The following AFAP1 variants were observed in gnomAD, a reference collection of about 807,000 sequenced individuals.
AFAP1 encodes the protein actin filament associated protein 1, also known as actin filament-associated protein 1.
A neutral mutation model predicts 93.9 loss-of-function variants in AFAP1; 75 were observed. That is an observed-to-expected ratio of 0.80 (90% CI 0.66 to 0.97). AFAP1 has a LOEUF of 0.97. AFAP1 is among the 50% of genes least tolerant of loss of function. The pLI is 0.00. For missense variants in AFAP1, 1,201 were observed against 1,050.8 expected, an observed-to-expected ratio of 1.14 and a Z score of -1.98; for synonymous variants, 517 against 430.7, an observed-to-expected ratio of 1.20 and a Z score of -2.48.
intron 1 of AFAP1, among the ~76,000 whole-genome samples, chr4:7,883,185 C>CAAAAAAAAA (rs34238719): frequency 4.0e-5 from 2 of 49,986 alleles, no homozygotes; most frequent in Admixed American, 2.4e-4. Flanking sequence ...AACCCTATCT[C>CAAAAAAAAA]AAAAAAAAAA....
intron 1 of AFAP1, among the ~76,000 whole-genome samples, chr4:7,889,703 T>A (rs368949444): frequency 1.3e-3 from 104 of 77,408 alleles, no homozygotes; most frequent in East Asian, 0.013. Context: ...TTTTTTTTTT[T>A]TAAAAAAAGA....
intron 7 of AFAP1, among the ~76,000 whole-genome samples, chr4:7,817,501 G>C (rs975154501): frequency 2.6e-5 from 4 of 152,204 alleles, no homozygotes; most frequent in Admixed American, 2.6e-4. Flanking sequence ...TGAGACAGGA[G>C]AATGACTTGA....
At chr4:7,843,457 A>G in intron 4 of AFAP1, 107 bp from the exon 5 acceptor site, 2 of 1,034,832 alleles carry the variant, frequency 1.9e-6, no homozygotes, top group South Asian at 3.5e-5. Flanking sequence ...TAACTGAATG[A>G]GAAAGGGACC....
intron 4 of AFAP1, among the ~76,000 whole-genome samples, chr4:7,855,145 G>C (rs1196947640): frequency 6.6e-6 from 1 of 152,164 alleles, no homozygotes; most frequent in African/African-American, 2.4e-5. Flanking sequence ...TAAGGAAGTG[G>C]GGGCTGTAGC....
At chr4:7,933,353 T>A (rs1352668126) in intron 1 of AFAP1, among the ~76,000 whole-genome samples, 2 of 152,134 alleles carry the variant, frequency 1.3e-5, no homozygotes, top group African/African-American at 4.8e-5. Context: ...GTTGGGCCGA[T>A]CACGAGGTCA....
intron 1 of AFAP1, among the ~76,000 whole-genome samples, chr4:7,903,203 T>C (rs771171649): frequency 4.6e-5 from 7 of 152,154 alleles, no homozygotes; most frequent in South Asian, 2.1e-4. Context: ...TCAACAAATA[T>C]TGACTAACTA....
chr4:7,935,316 T>G (rs914377638), intron 1 of AFAP1, among the ~76,000 whole-genome samples: 10 of 152,348 alleles, frequency 6.6e-5, no homozygotes, highest in Non-Finnish European at 1.0e-4. Context: ...AGAAAAGTAC[T>G]TGGACTTAAC....
At chr4:7,905,725 G>T (rs920539190) in intron 1 of AFAP1, among the ~76,000 whole-genome samples, 1 of 152,176 alleles carries the variant, frequency 6.6e-6, no homozygotes, top group Non-Finnish European at 1.5e-5. Context: ...ACAGATGACC[G>T]CAGCACAGTG....
Position 7,763,685 on chromosome 4 carries a change from A to C in AFAP1, c.*80T>G. 1.3e-6 allele frequency: 2 copies of C among 1,533,124 alleles called. No individual in the cohort carries two copies. The highest frequency in any genetic ancestry group is 2.5e-5 in the East Asian group (1 of 40,748). The allele number at this position is 1,533,124 out of a possible 1,614,324, so 95.0% of individuals were successfully genotyped here. A position where few individuals can be genotyped will look rare whatever the true frequency, so the allele number is the denominator to read the frequency against. ...TCGTGCAGCTGAGGCCACTCTGGGC[A>C]GAGCTTCCTGCCGTCACACAGATGA... On this transcript the variant is annotated 3_prime_UTR_variant, in exon 18 of 18. Transcript: ENST00000420658.
intron 17 of AFAP1, among the ~76,000 whole-genome samples, chr4:7,764,399 AAAAGG>A (rs143475461): frequency 0.094 from 14,253 of 152,042 alleles, 1,029 homozygotes; most frequent in East Asian, 0.41. Context: ...ATATAAAAAA[AAAAGG>A]AAGTAGAATA....
At chr4:7,792,833 C>A (rs1176415753) in intron 11 of AFAP1, among the ~76,000 whole-genome samples, 1 of 152,198 alleles carries the variant, frequency 6.6e-6, no homozygotes, top group African/African-American at 2.4e-5. Context: ...TTAAGTGAAA[C>A]CAGCATTTTC....
chr4:7,809,869 C>A, intron 8 of AFAP1, 106 bp from the exon 9 acceptor site: 2 of 1,366,596 alleles, frequency 1.5e-6, no homozygotes, highest in Non-Finnish European at 2.0e-6. Flanking sequence ...GCATTTTTTT[C>A]TTTTATTAAA....
At chr4:7,937,648 G>A (rs1721468652) in intron 1 of AFAP1, among the ~76,000 whole-genome samples, 1 of 152,050 alleles carries the variant, frequency 6.6e-6, no homozygotes, top group South Asian at 2.1e-4. Context: ...CACCATGCCC[G>A]GCTAATTTTT....
At chr4:7,807,579 C>A (rs564859686) in intron 9 of AFAP1, among the ~76,000 whole-genome samples, 18 of 152,352 alleles carry the variant, frequency 1.2e-4, no homozygotes, top group African/African-American at 4.3e-4. Context: ...GTTCAGGGAG[C>A]TTGGAACGCA....
At chr4:7,844,617 C>T (rs924379067) in intron 4 of AFAP1, among the ~76,000 whole-genome samples, 3 of 152,208 alleles carry the variant, frequency 2.0e-5, no homozygotes, top group African/African-American at 7.2e-5. Context: ...GTGATCTCCC[C>T]GGCACCTAAC....
intron 11 of AFAP1, 90 bp from the exon 12 acceptor site, chr4:7,786,401 A>C: frequency 9.1e-7 from 1 of 1,094,098 alleles, no homozygotes; most frequent in Non-Finnish European, 1.4e-6. Flanking sequence ...CTTTATGCCC[A>C]AGGCTATGTC....
intron 6 of AFAP1, among the ~76,000 whole-genome samples, chr4:7,823,663 C>A (rs1191966260): frequency 6.6e-6 from 1 of 152,210 alleles, no homozygotes; most frequent in Non-Finnish European, 1.5e-5. Context: ...TTCCAAGAAG[C>A]TTTCCTGGTA....
At chr4:7,903,341 G>T (rs1719220742) in intron 1 of AFAP1, among the ~76,000 whole-genome samples, 2 of 152,214 alleles carry the variant, frequency 1.3e-5, no homozygotes, top group Admixed American at 1.3e-4. Flanking sequence ...CTGGAAAGAA[G>T]AATACCCCTA....
Position 7,761,727 on chromosome 4 carries a change from G to T in AFAP1, c.*2038C>A, listed in dbSNP as rs186650326. ...CCGAAGGCAGCAAAAATCTATGGAG[G>T]AGCAAACTTTTTTCCCTTTATAGAA... is the stretch of plus-strand genomic sequence containing the variant. On this transcript the variant is annotated 3_prime_UTR_variant, in exon 18 of 18. Transcript: ENST00000420658. The T allele has an allele frequency of 6.6e-6, 1 of 152,258 alleles. No individual in the cohort carries two copies. The highest frequency in any genetic ancestry group is 2.4e-5 in the African/African-American group (1 of 41,466). The allele number at this position is 152,258 out of a possible 1,614,324, so 9.4% of individuals were successfully genotyped here.
Sources: allele counts gnomAD v4.1 joint callset (sites outside exome capture counted in the v4.1 genomes callset), GRCh38; gene constraint gnomAD v4.1.1; transcripts MANE v1.5; gene names NCBI Gene and HGNC (gene_info 2026-07-23, HGNC 2026-07-21).